The following LRRIQ1 variants were observed in gnomAD, a reference collection of about 807,000 sequenced individuals.
LRRIQ1 encodes leucine-rich repeat- and IQ domain-containing protein 1.
Under a neutral mutation model 211.9 loss-of-function variants are expected in LRRIQ1, and 210 were observed. That is an observed-to-expected ratio of 0.99 (90% CI 0.89 to 1.11). The LOEUF is 1.11. Among genes scored for constraint, LRRIQ1 ranks in the 50% most tolerant of loss-of-function variants. The probability of loss-of-function intolerance (pLI) is 0.00; values close to 1 mark genes in which losing one functional copy is unlikely to be tolerated. For missense variants in LRRIQ1, 2,136 were observed against 1,939.5 expected (o/e 1.10, Z -1.90); for synonymous variants, 699 against 650.1 (o/e 1.08, Z -1.14).
In LRRIQ1 at chr12:85,095,872, A is replaced by T. The variant is rs114979126; in HGVS notation, c.2888-2483A>T. ...CAGGGTTTCTGTTTCTTCCTGACTTACTCTTGCAAGGTTGTGTGTTTCCAA... is the reference window on the plus strand; with the variant it reads ...CAGGGTTTCTGTTTCTTCCTGACTTTCTCTTGCAAGGTTGTGTGTTTCCAA... On this transcript the variant is annotated intron_variant, in intron 11 of 26. Coordinates refer to ENST00000393217, the MANE Select transcript of LRRIQ1 (RefSeq NM_001079910.2). Among the ~76,000 whole-genome samples the T allele has an allele frequency of 3.4e-3, 514 of 151,656 alleles. 4 individuals are homozygous for T. The highest frequency in any genetic ancestry group is 0.012 in the African/African-American group (480 of 41,336).
chr12:85,241,961 T>C (rs983627538), intron 26 of LRRIQ1, among the ~76,000 whole-genome samples: 1 of 151,992 alleles, frequency 6.6e-6, no homozygotes, highest in African/African-American at 2.4e-5. Context: ...GAAAGTCCTG[T>C]CCCAAAATGT....
In LRRIQ1 at chr12:85,056,464, A is replaced by G; in HGVS notation, c.1671A>G (p.Leu557=). 1.2e-6 allele frequency: 2 copies of G among 1,608,840 alleles called. No individual in the cohort carries two copies. Among genetic ancestry groups the G allele is most frequent in the Non-Finnish European group, 1.7e-6 (2 of 1,178,428 alleles). The change falls in exon 8 of 27, where the codon TTA becomes TTG. Residue 557 remains leucine (L), a synonymous_variant. Coordinates refer to ENST00000393217, the MANE Select transcript of LRRIQ1 (RefSeq NM_001079910.2). ...CAGGACAAAAAACCCAGATAATATT[A>G]GGACATAACCAAGAAATCAGTGAGG... is the stretch of plus-strand genomic sequence containing the variant. The part of the protein sequence containing the change: ...ENTGQKTQII[L]GHNQEISEVK...
At chr12:85,053,360 A>T (rs1197735529) in intron 7 of LRRIQ1, among the ~76,000 whole-genome samples, 1 of 152,210 alleles carries the variant, frequency 6.6e-6, no homozygotes, top group Non-Finnish European at 1.5e-5. Flanking sequence ...AAATACAAAG[A>T]AAATGCTACC....
rs753744382 is a variant in LRRIQ1 at position 85,232,762 on chromosome 12, A to G, written c.5016+6A>G. ...GTGGAAGAGTTCAGCTTGTGGTAAGAAATGTGCTTAAAGTTACAGAAAAAT... is the reference window on the plus strand; with the variant it reads ...GTGGAAGAGTTCAGCTTGTGGTAAGGAATGTGCTTAAAGTTACAGAAAAAT... On this transcript the variant is annotated splice_donor_region_variant and intron_variant, in intron 26 of 26. Coordinates refer to ENST00000393217, the MANE Select transcript of LRRIQ1 (RefSeq NM_001079910.2). The G allele has an allele frequency of 4.4e-6, 7 of 1,608,572 alleles. No homozygotes were observed. Among genetic ancestry groups the G allele is most frequent in the Non-Finnish European group, 2.6e-6 (3 of 1,175,428 alleles).
intron 26 of LRRIQ1, among the ~76,000 whole-genome samples, chr12:85,240,473 C>T (rs1441307493): frequency 6.6e-6 from 1 of 152,122 alleles, no homozygotes; most frequent in Non-Finnish European, 1.5e-5. Flanking sequence ...ATACACTTAA[C>T]ATACGACCTA....
intron 24 of LRRIQ1, among the ~76,000 whole-genome samples, chr12:85,181,284 T>G (rs1486532694): frequency 6.6e-6 from 1 of 151,960 alleles, no homozygotes; most frequent in Non-Finnish European, 1.5e-5. Flanking sequence ...AAATTTATAT[T>G]GCAATATTTT....
chr12:85,053,240 G>C (rs1216249544), intron 7 of LRRIQ1, among the ~76,000 whole-genome samples: 1 of 152,100 alleles, frequency 6.6e-6, no homozygotes, highest in Non-Finnish European at 1.5e-5. Context: ...AGGAGACAGA[G>C]AATGGGGCAG....
intron 24 of LRRIQ1, among the ~76,000 whole-genome samples, chr12:85,227,185 C>T (rs1322103742): frequency 6.6e-6 from 1 of 152,150 alleles, no homozygotes; most frequent in Non-Finnish European, 1.5e-5. Flanking sequence ...TATTTCTTCA[C>T]ATCCTCTCCA....
Position 85,056,695 on chromosome 12 carries a change from A to G in LRRIQ1, c.1902A>G (p.Glu634=), listed in dbSNP as rs1224004289. Residue 634 remains glutamate (E), a synonymous_variant, in exon 8 of 27, where the codon GAA becomes GAG. Transcript: ENST00000393217. ...VRENVILQEK[E]IYSKSKEIEE... ...AAAACGTAATATTACAAGAAAAAGA[A>G]ATTTATTCAAAATCCAAAGAAATTG... 6.2e-7 allele frequency: 1 copy of G among 1,607,288 alleles called. No individual in the cohort carries two copies. Among genetic ancestry groups the G allele is most frequent in the South Asian group, 1.1e-5 (1 of 89,178 alleles).
chr12:85,190,872 T>C (rs1328638810), intron 24 of LRRIQ1, among the ~76,000 whole-genome samples: 2 of 151,956 alleles, frequency 1.3e-5, no homozygotes, highest in Non-Finnish European at 2.9e-5. Flanking sequence ...CCTCTAGCCA[T>C]ATGAAACAGA....
intron 9 of LRRIQ1, among the ~76,000 whole-genome samples, chr12:85,066,477 A>T (rs1882443220): frequency 6.6e-6 from 1 of 151,856 alleles, no homozygotes; most frequent in East Asian, 1.9e-4. Context: ...TTAACTTTTT[A>T]AAATTTATAT....
At chr12:85,117,776 A>G (rs1002140757) in intron 15 of LRRIQ1, among the ~76,000 whole-genome samples, 1 of 152,246 alleles carries the variant, frequency 6.6e-6, no homozygotes, top group Non-Finnish European at 1.5e-5. Context: ...CTTAACTGCC[A>G]GTACACTTTA....
chr12:85,082,523 T>A (rs1884407682), intron 11 of LRRIQ1, among the ~76,000 whole-genome samples: 1 of 152,186 alleles, frequency 6.6e-6, no homozygotes, highest in Non-Finnish European at 1.5e-5. Flanking sequence ...ATTATGTATG[T>A]GTGATATATT....
chr12:85,247,181 T>C (rs1895750151), downstream of LRRIQ1, among the ~76,000 whole-genome samples: 1 of 151,636 alleles, frequency 6.6e-6, no homozygotes, highest in South Asian at 2.1e-4. Flanking sequence ...AATTAAAATA[T>C]TTGGCTTAGT....
chr12:85,040,429 T>A, intron 2 of LRRIQ1, 61 bp from the exon 3 acceptor site: 1 of 1,039,474 alleles, frequency 9.6e-7, no homozygotes, highest in Non-Finnish European at 1.4e-6. Flanking sequence ...GGGTCCAAAA[T>A]TTGACACATA....
chr12:85,063,443 A>G (rs1882081858), intron 8 of LRRIQ1, among the ~76,000 whole-genome samples: 1 of 151,704 alleles, frequency 6.6e-6, no homozygotes, highest in South Asian at 2.1e-4. Flanking sequence ...TATGGGACAC[A>G]TGATATATTT....
At chr12:85,210,693 G>A (rs1893796773) in intron 24 of LRRIQ1, among the ~76,000 whole-genome samples, 1 of 152,238 alleles carries the variant, frequency 6.6e-6, no homozygotes, top group African/African-American at 2.4e-5. Context: ...TTGGGAGACC[G>A]ATCTCCATGG....
chr12:85,125,332 G>A (rs982747478), intron 17 of LRRIQ1, among the ~76,000 whole-genome samples: 5 of 151,928 alleles, frequency 3.3e-5, no homozygotes, highest in African/African-American at 1.2e-4. Flanking sequence ...TATAAGGTAG[G>A]GCAATATTCT....
intron 11 of LRRIQ1, among the ~76,000 whole-genome samples, chr12:85,074,228 A>G (rs979291983): frequency 6.6e-6 from 1 of 152,020 alleles, no homozygotes; most frequent in Admixed American, 6.6e-5. Flanking sequence ...AATGTTTTCC[A>G]TTCTAATTAA....
Sources: allele counts gnomAD v4.1 joint callset (sites outside exome capture counted in the v4.1 genomes callset), GRCh38; gene constraint gnomAD v4.1.1; transcripts MANE v1.5; gene names NCBI Gene and HGNC (gene_info 2026-07-23, HGNC 2026-07-21).